TMPRSS11F: variants seen among roughly 807,000 people sequenced by gnomAD.
TMPRSS11F encodes transmembrane serine protease 11F.
TMPRSS11F carries 47 observed loss-of-function variants against 60.2 expected under a neutral mutation model. The ratio of observed to expected loss-of-function variants is 0.78; its 90% CI spans 0.62 to 1.00. The LOEUF (loss-of-function observed/expected upper bound fraction) is 1.00. Among genes scored for constraint, TMPRSS11F ranks in the 50% least tolerant of loss-of-function variants. TMPRSS11F has a pLI of 0.00. For missense variants in TMPRSS11F, 519 were observed against 522.9 expected (o/e 0.99, Z 0.07); for synonymous variants, 166 against 167.3 (o/e 0.99, Z 0.06).
At chr4:68,129,733 A>G (rs368953870) in intron 1 of TMPRSS11F, 77 bp downstream of exon 1, 2 of 1,357,654 alleles carry the variant, frequency 1.5e-6, no homozygotes, top group South Asian at 1.2e-5. Context: ...ACCAGCCAAC[A>G]TCTGTACTAC....
chr4:68,063,429 T>G (rs1049840527), intron 8 of TMPRSS11F, among the ~76,000 whole-genome samples: 2 of 152,144 alleles, frequency 1.3e-5, no homozygotes, highest in African/African-American at 4.8e-5. Context: ...CAGGCTGCAG[T>G]GCAATGGCGC....
At chr4:68,113,221 A>G (rs1481110731) in intron 1 of TMPRSS11F, among the ~76,000 whole-genome samples, 1 of 152,196 alleles carries the variant, frequency 6.6e-6, no homozygotes, top group Non-Finnish European at 1.5e-5. Context: ...GAAACGTGTT[A>G]TTGGACAATG....
At chr4:68,122,791 T>C (rs2109890288) in intron 1 of TMPRSS11F, among the ~76,000 whole-genome samples, 1 of 152,300 alleles carries the variant, frequency 6.6e-6, no homozygotes, top group South Asian at 2.1e-4. Context: ...TTTTTATTAG[T>C]TTAGACATAT....
chr4:68,115,356 CAAAAAAAAAAA>C (rs57550471), intron 1 of TMPRSS11F, among the ~76,000 whole-genome samples: 3 of 74,690 alleles, frequency 4.0e-5, no homozygotes, highest in African/African-American at 5.3e-5. Flanking sequence ...GACACCATCT[CAAAAAAAAAAA>C]AAAAAAAAAA....
chr4:68,063,616 T>C, intron 8 of TMPRSS11F, among the ~76,000 whole-genome samples: 1 of 152,116 alleles, frequency 6.6e-6, no homozygotes, highest in East Asian at 1.9e-4. Context: ...CCTGACCTCA[T>C]GATCCGCCCG....
intron 1 of TMPRSS11F, among the ~76,000 whole-genome samples, chr4:68,105,054 T>G (rs907609795): frequency 9.1e-6 from 1 of 110,490 alleles, no homozygotes; most frequent in African/African-American, 2.8e-5. Context: ...TCTAGGTTTT[T>G]TTTTTTTTTT....
At chr4:68,072,928 C>A (rs750698032) in intron 4 of TMPRSS11F, among the ~76,000 whole-genome samples, 2 of 152,130 alleles carry the variant, frequency 1.3e-5, no homozygotes, top group Non-Finnish European at 2.9e-5. Flanking sequence ...CCTTTGTCTC[C>A]TGAGCATAGA....
At chr4:68,070,603 C>A (rs965951114) in intron 5 of TMPRSS11F, among the ~76,000 whole-genome samples, 2 of 152,208 alleles carry the variant, frequency 1.3e-5, no homozygotes, top group African/African-American at 4.8e-5. Context: ...GCATGAAGTT[C>A]TTTCACATAC....
At chr4:68,083,325 G>A (rs1354001260) in intron 3 of TMPRSS11F, among the ~76,000 whole-genome samples, 2 of 152,080 alleles carry the variant, frequency 1.3e-5, no homozygotes, top group South Asian at 4.2e-4. Flanking sequence ...ATTAAAGGGG[G>A]CCCCCTAAGG....
chr4:68,117,431 G>A (rs948574337), intron 1 of TMPRSS11F, among the ~76,000 whole-genome samples: 34 of 119,836 alleles, frequency 2.8e-4, no homozygotes, highest in Admixed American at 9.5e-4. Context: ...TCCGGCCACC[G>A]CACTCCAGCC....
intron 9 of TMPRSS11F, among the ~76,000 whole-genome samples, chr4:68,055,167 G>A (rs376006980): frequency 7.9e-5 from 12 of 152,318 alleles, no homozygotes; most frequent in East Asian, 7.7e-4. Context: ...GGCAAATAGT[G>A]TGTGATGAGT....
chr4:68,054,158 T>G, intron 9 of TMPRSS11F, 91 bp from the exon 10 acceptor site: 1 of 1,173,852 alleles, frequency 8.5e-7, no homozygotes, highest in Non-Finnish European at 1.2e-6. Context: ...AAAAGGAAAT[T>G]GGTACACAGA....
intron 9 of TMPRSS11F, among the ~76,000 whole-genome samples, chr4:68,056,655 A>C (rs1017024311): frequency 7.8e-5 from 1 of 12,772 alleles, no homozygotes; most frequent in Admixed American, 2.1e-3. Context: ...CAAAATTCCA[A>C]TGCCATTTCT....
chr4:68,077,083 A>T (rs1006906744), intron 3 of TMPRSS11F, among the ~76,000 whole-genome samples: 13 of 152,196 alleles, frequency 8.5e-5, no homozygotes, highest in Non-Finnish European at 1.6e-4. Flanking sequence ...TTCACAGATG[A>T]TGATGCCCTG....
At chr4:68,115,156 T>C (rs933922643) in intron 1 of TMPRSS11F, among the ~76,000 whole-genome samples, 7 of 151,212 alleles carry the variant, frequency 4.6e-5, no homozygotes, top group African/African-American at 1.7e-4. Flanking sequence ...GAGACCATCC[T>C]GGCTAATACG....
At chr4:68,120,047 C>T (rs191148218) in intron 1 of TMPRSS11F, among the ~76,000 whole-genome samples, 2 of 152,244 alleles carry the variant, frequency 1.3e-5, no homozygotes, top group African/African-American at 4.8e-5. Flanking sequence ...GAGGAAGTAA[C>T]TGCAGATGTA....
At chr4:68,081,937 T>C (rs548153811) in intron 3 of TMPRSS11F, among the ~76,000 whole-genome samples, 2 of 152,186 alleles carry the variant, frequency 1.3e-5, no homozygotes, top group Admixed American at 1.3e-4. Context: ...CAATGAAAAA[T>C]AACTGAGAAC....
At chr4:68,122,224 TGTAA>T (rs879611429) in intron 1 of TMPRSS11F, among the ~76,000 whole-genome samples, 9 of 152,186 alleles carry the variant, frequency 5.9e-5, no homozygotes, top group African/African-American at 1.2e-4. Context: ...GTTAAAACAA[TGTAA>T]GTATTAAACT....
intron 1 of TMPRSS11F, among the ~76,000 whole-genome samples, chr4:68,106,991 C>A (rs1047992440): frequency 2.0e-5 from 3 of 152,164 alleles, no homozygotes; most frequent in Non-Finnish European, 2.9e-5. Context: ...GCTATGGTAT[C>A]AGCAAGGTCA....
Sources: gnomAD v4.1 joint callset for allele counts (sites outside exome capture counted in the v4.1 genomes callset) on GRCh38, gnomAD v4.1.1 for gene constraint, MANE v1.5 for transcripts, NCBI Gene and HGNC (gene_info 2026-07-23, HGNC 2026-07-21) for gene names.